Variants in NCOR1 observed in about 807,000 individuals in gnomAD.
NCOR1 encodes protein phosphatase 1, regulatory subunit 109.
Under a neutral mutation model 288.1 loss-of-function variants are expected in NCOR1, and 63 were observed. The ratio of observed to expected loss-of-function variants is 0.22; its 90% CI spans 0.18 to 0.27. The LOEUF is 0.27. Among genes scored for constraint, NCOR1 ranks in the 10% least tolerant of loss-of-function variants. The pLI, the probability that NCOR1 is intolerant of heterozygous loss-of-function variation, is 1.00. For synonymous variants in NCOR1, 1,007 were observed against 1,065.9 expected (o/e 0.94, Z 1.08); for missense variants, 2,397 against 3,019.2 (o/e 0.79, Z 4.83).
chr17:16,160,707 G>C (rs1233704844), intron 5 of NCOR1, among the ~76,000 whole-genome samples: 1 of 152,122 alleles, frequency 6.6e-6, no homozygotes, highest in African/African-American at 2.4e-5. Flanking sequence ...CAGAAGAATC[G>C]CTTGAACCCA....
intron 44 of NCOR1, among the ~76,000 whole-genome samples, chr17:16,035,887 G>A (rs554702486): frequency 5.3e-5 from 8 of 152,124 alleles, no homozygotes; most frequent in African/African-American, 1.2e-4. Flanking sequence ...CTCCACTGAC[G>A]TCTTGATCCC....
chr17:16,153,673 GAAT>G (rs2153393244), intron 6 of NCOR1, among the ~76,000 whole-genome samples: 1 of 152,222 alleles, frequency 6.6e-6, no homozygotes, highest in South Asian at 2.1e-4. Context: ...AGCAATGCCT[GAAT>G]AATAGGTAAG....
At chr17:16,207,739 CAA>C (rs200123318) in intron 1 of NCOR1, among the ~76,000 whole-genome samples, 17 of 60,992 alleles carry the variant, frequency 2.8e-4, no homozygotes, top group Admixed American at 3.9e-4. Flanking sequence ...ACTCCATCTC[CAA>C]AAAAAAAAAA....
At chr17:16,194,804 ATCATT>A (rs1245133160) in intron 1 of NCOR1, among the ~76,000 whole-genome samples, 165 bp from the exon 2 acceptor site, 8 of 152,252 alleles carry the variant, frequency 5.3e-5, no homozygotes, top group Non-Finnish European at 8.8e-5. Context: ...ACATTAATGC[ATCATT>A]TCTTTTTATA....
At chr17:16,121,326 A>G (rs949993472) in intron 15 of NCOR1, 57 bp from the exon 16 acceptor site, 2 of 1,423,918 alleles carry the variant, frequency 1.4e-6, no homozygotes, top group Non-Finnish European at 1.9e-6. Flanking sequence ...TACATCGAAG[A>G]AGGTTTTAGT....
At chr17:16,104,508 C>G (rs115067374) in intron 19 of NCOR1, among the ~76,000 whole-genome samples, 1 of 152,264 alleles carries the variant, frequency 6.6e-6, no homozygotes, top group Non-Finnish European at 1.5e-5. Context: ...TGGTGGCTCA[C>G]GCCTATAATC....
intron 16 of NCOR1, 59 bp from the exon 17 acceptor site, chr17:16,119,544 A>C (rs2072538404): frequency 2.6e-6 from 3 of 1,134,698 alleles, no homozygotes; most frequent in African/African-American, 1.6e-5. Flanking sequence ...CCTTTATTCA[A>C]ACCAATCATA....
intron 5 of NCOR1, among the ~76,000 whole-genome samples, chr17:16,161,252 C>CACAG (rs910074064): frequency 6.6e-6 from 1 of 150,920 alleles, no homozygotes. Context: ...CACACACACA[C>CACAG]ACACACACAC....
At chr17:16,137,497 T>G (rs1223535575) in intron 13 of NCOR1, 85 bp from the exon 14 acceptor site, 30 of 686,516 alleles carry the variant, frequency 4.4e-5, no homozygotes, top group Non-Finnish European at 6.7e-5. Flanking sequence ...GGAAAATCTC[T>G]GGTATTCTGA....
In NCOR1 at chr17:16,030,569, A is replaced by ATGTT. The variant is rs1284295493; in HGVS notation, c.*1723_*1726dup. ...TTTTCATTCATTTTGAAATTTTTAT[A>ATGTT]TGTTTACATATATCTGTTGTAAAAA... On this transcript the variant is annotated 3_prime_UTR_variant, in exon 46 of 46. Transcript: ENST00000268712. 4 of 186,570 alleles carry ATGTT rather than the reference A, an allele frequency of 2.1e-5. No homozygotes were observed. Among genetic ancestry groups the ATGTT allele is most frequent in the Non-Finnish European group, 4.5e-5 (4 of 88,282 alleles). The allele number at this position is 186,570 out of a possible 1,614,324, so 11.6% of individuals were successfully genotyped here. A position where few individuals can be genotyped will look rare whatever the true frequency, so the allele number is the denominator to read the frequency against.
Position 16,073,486 on chromosome 17 carries a change from C to T in NCOR1, c.3754G>A (p.Gly1252Arg), listed in dbSNP as rs2152750438. The change falls in exon 28 of 46, where the codon GGA becomes AGA. Residue 1252 changes from glycine (G) to arginine (R), a missense_variant. Physicochemically the swap from Gly to Arg is moderately radical, Grantham distance 125. This residue lies in a region of NCOR1 where 1,872 missense variants were observed against 2,187.8 expected (regional missense o/e 0.86). Transcript: ENST00000268712. ...ATTGACATCCCTTGCTTTATATTTC[C>T]TTCCACTGATTCATAGCTTCTCTTT... Reference protein sequence around the residue: ...SLKRSYESVEGNIKQGMSMRE... With the variant: ...SLKRSYESVERNIKQGMSMRE... 6.2e-7 allele frequency: 1 copy of T among 1,612,402 alleles called. No homozygotes were observed. Among genetic ancestry groups the T allele is most frequent in the Admixed American group, 1.7e-5 (1 of 59,810 alleles).
At chr17:16,147,574 G>C (rs546473906) in intron 9 of NCOR1, among the ~76,000 whole-genome samples, 35 of 152,194 alleles carry the variant, frequency 2.3e-4, no homozygotes, top group Non-Finnish European at 4.1e-4. Flanking sequence ...ACAGAGGAAA[G>C]TGAGGAAGGG....
intron 44 of NCOR1, among the ~76,000 whole-genome samples, chr17:16,037,983 T>G (rs1349750848): frequency 6.6e-6 from 1 of 152,166 alleles, no homozygotes; most frequent in Non-Finnish European, 1.5e-5. Flanking sequence ...GTCACCAGTC[T>G]TATAACCTTA....
intron 1 of NCOR1, among the ~76,000 whole-genome samples, chr17:16,205,617 G>A (rs564752161): frequency 5.8e-5 from 8 of 137,626 alleles, no homozygotes; most frequent in Admixed American, 2.4e-4. Context: ...GCGAGGCTCT[G>A]TCTAAAAGAA....
At chr17:16,209,694 G>A (rs2091934197) in intron 1 of NCOR1, among the ~76,000 whole-genome samples, 2 of 150,626 alleles carry the variant, frequency 1.3e-5, no homozygotes, top group Non-Finnish European at 2.9e-5. Flanking sequence ...GCTCACGCCT[G>A]TAATCCCAAC....
At chr17:16,127,628 C>CATATGTGT (rs2074838817) in intron 14 of NCOR1, among the ~76,000 whole-genome samples, 1 of 125,708 alleles carries the variant, frequency 8.0e-6, no homozygotes, top group African/African-American at 3.3e-5. Flanking sequence ...TGTATATATA[C>CATATGTGT]ATATATGTAT....
At chr17:16,106,883 ATTTTTTTTTTTTTT>A (rs144246158) in intron 19 of NCOR1, among the ~76,000 whole-genome samples, 1 of 31,406 alleles carries the variant, frequency 3.2e-5, no homozygotes. Context: ...ATATATATAT[ATTTTTTTTTTTTTT>A]TTTTTTTTTT....
At chr17:16,083,150 T>C (rs1463616601) in intron 23 of NCOR1, among the ~76,000 whole-genome samples, 1 of 151,788 alleles carries the variant, frequency 6.6e-6, no homozygotes. Flanking sequence ...GGAGAATTGT[T>C]TGAAACTGGG....
intron 18 of NCOR1, among the ~76,000 whole-genome samples, chr17:16,109,882 C>T (rs949194243): frequency 3.3e-5 from 5 of 152,128 alleles, no homozygotes; most frequent in African/African-American, 9.7e-5. Context: ...TACAAGCACC[C>T]GCCACCAGGC....
Sources: gnomAD v4.1 joint callset for allele counts (sites outside exome capture counted in the v4.1 genomes callset) on GRCh38, gnomAD v4.1.1 for gene constraint, gnomAD v4.1.1 regional missense constraint, MANE v1.5 for transcripts, NCBI Gene and HGNC (gene_info 2026-07-23, HGNC 2026-07-21) for gene names.